Variants in ABCA4 observed in about 807,000 individuals in gnomAD.
The protein encoded by ABCA4 is retinal-specific phospholipid-transporting ATPase ABCA4.
In ABCA4, 196 loss-of-function variants were observed where a neutral mutation model predicts 263.7. The ratio of observed to expected loss-of-function variants is 0.74; its 90% CI spans 0.66 to 0.84. The LOEUF (loss-of-function observed/expected upper bound fraction) is 0.84. Ranked by LOEUF, ABCA4 falls within the 40% of genes least tolerant of loss-of-function variation. ABCA4 has a pLI of 0.00. For missense variants in ABCA4, 2,792 were observed against 2,855.1 expected, an observed-to-expected ratio of 0.98 and a Z score of 0.50; for synonymous variants, 1,133 against 1,094.2, an observed-to-expected ratio of 1.04 and a Z score of -0.70.
intron 36 of ABCA4, among the ~76,000 whole-genome samples, chr1:94,016,598 C>T (rs1204767601): frequency 2.6e-5 from 4 of 151,978 alleles, no homozygotes; most frequent in Admixed American, 6.6e-5. Context: ...GAGAAGCCAG[C>T]GTCTCACTGT....
chr1:94,113,006 T>C lies in ABCA4; in HGVS notation c.127A>G (p.Arg43Gly). The change falls in exon 2 of 50, where the codon AGG becomes GGG. Residue 43 changes from arginine (R) to glycine (G), a missense_variant. Physicochemically the swap from Arg to Gly is moderately radical, Grantham distance 125. Coordinates refer to ENST00000370225, the MANE Select transcript of ABCA4 (RefSeq NM_000350.3). ...TGGCTGTAGAGTGGGTTGGCATTCC[T>C]TAACCAGATCAAGACCAGAAATAAA... ...LSLFLVLIWL[R>G]NANPLYSHHE... is the part of the protein sequence containing the mutation. 6.2e-7 allele frequency: 1 copy of C among 1,614,102 alleles called. No individual in the cohort carries two copies. Among genetic ancestry groups the C allele is most frequent in the Non-Finnish European group, 8.5e-7 (1 of 1,179,998 alleles).
At chr1:94,010,086 T>A (rs1281362065) in intron 40 of ABCA4, among the ~76,000 whole-genome samples, 1 of 152,166 alleles carries the variant, frequency 6.6e-6, no homozygotes, top group Non-Finnish European at 1.5e-5. Flanking sequence ...GTGACCACAC[T>A]CAGCCTGAGA....
chr1:94,053,704 A>T (rs1660899599), intron 16 of ABCA4, among the ~76,000 whole-genome samples: 1 of 152,244 alleles, frequency 6.6e-6, no homozygotes, highest in East Asian at 1.9e-4. Flanking sequence ...GGCCCTGCCA[A>T]CACCTTGATT....
chr1:94,021,562 AAG>A, intron 34 of ABCA4, 76 bp downstream of exon 34: 1 of 1,505,664 alleles, frequency 6.6e-7, no homozygotes. Context: ...GAATTTAATG[AAG>A]GTAGGAAAGT....
At chr1:94,105,111 T>G (rs528105187) in intron 4 of ABCA4, among the ~76,000 whole-genome samples, 1 of 152,332 alleles carries the variant, frequency 6.6e-6, no homozygotes, top group South Asian at 2.1e-4. Flanking sequence ...CTAGCAATGC[T>G]GGGTGCACAG....
At chr1:94,031,713 G>A (rs946794622) in intron 27 of ABCA4, 65 bp downstream of exon 27, 8 of 1,603,572 alleles carry the variant, frequency 5.0e-6, no homozygotes, top group African/African-American at 1.3e-5. Context: ...GGAACACTCA[G>A]GAGAGGAGGG....
chr1:93,996,776 A>G (rs1659016819), intron 48 of ABCA4, among the ~76,000 whole-genome samples: 1 of 152,246 alleles, frequency 6.6e-6, no homozygotes. Flanking sequence ...TGTAGCACAT[A>G]TACGTACAAA....
rs1418783180 is a variant in ABCA4 at position 94,046,911 on chromosome 1, A to G, written c.2918+8T>C. ...CATGGCAGCCAGCTTCTCTGCTGGAAGACTCACAAGGTGGTGGTTTTCCCA... is the reference window on the plus strand; with the variant it reads ...CATGGCAGCCAGCTTCTCTGCTGGAGGACTCACAAGGTGGTGGTTTTCCCA... On this transcript the variant is annotated splice_region_variant and intron_variant, in intron 19 of 49. Coordinates refer to ENST00000370225, the MANE Select transcript of ABCA4 (RefSeq NM_000350.3). 1.9e-6 allele frequency: 3 copies of G among 1,613,962 alleles called. No homozygotes were observed.
chr1:94,009,919 A>G (rs954055009), intron 40 of ABCA4, among the ~76,000 whole-genome samples: 4 of 152,240 alleles, frequency 2.6e-5, no homozygotes, highest in African/African-American at 9.6e-5. Context: ...TCCCATAACT[A>G]GAACTGCTTG....
At chr1:94,012,185 ACACCTGCGCC>A (rs1428443028) in intron 38 of ABCA4, among the ~76,000 whole-genome samples, 1 of 152,066 alleles carries the variant, frequency 6.6e-6, no homozygotes, top group Non-Finnish European at 1.5e-5. Context: ...TCCAGCCTCC[ACACCTGCGCC>A]CACATTACCT....
intron 6 of ABCA4, among the ~76,000 whole-genome samples, chr1:94,095,772 T>G (rs147016513): frequency 1.3e-5 from 2 of 148,658 alleles, no homozygotes; most frequent in Non-Finnish European, 3.0e-5. Flanking sequence ...TTTTGTAAAT[T>G]TTTGTTTTTA....
At chr1:94,077,581 G>T in intron 11 of ABCA4, 109 bp downstream of exon 11, 2 of 1,041,684 alleles carry the variant, frequency 1.9e-6, no homozygotes, top group Non-Finnish European at 2.8e-6. Context: ...TTTCTTCAGT[G>T]GGGAAAATGA....
intron 6 of ABCA4, among the ~76,000 whole-genome samples, chr1:94,083,656 G>A (rs1411225854): frequency 6.6e-6 from 1 of 152,106 alleles, no homozygotes; most frequent in Non-Finnish European, 1.5e-5. Flanking sequence ...TGCTGCACTT[G>A]TCAATCACAG....
At chr1:94,090,984 A>C (rs1661952704) in intron 6 of ABCA4, among the ~76,000 whole-genome samples, 1 of 152,154 alleles carries the variant, frequency 6.6e-6, no homozygotes, top group African/African-American at 2.4e-5. Flanking sequence ...GATGACTGTG[A>C]GAGTGAGGAC....
In ABCA4 at chr1:94,053,883, C is replaced by T. The variant is rs2101066097; in HGVS notation, c.2587+1228G>A. Among the ~76,000 whole-genome samples, 2 of 152,356 alleles carry T rather than the reference C, an allele frequency of 1.3e-5. 1 individual carries two copies. Among genetic ancestry groups the T allele is most frequent in the Middle Eastern group, 6.8e-3 (2 of 294 alleles). ...GAAGCCTTCCTCCTATTCAGGGTGGCTGCCTACCTATTTCTGCCAACAAAG... is the reference window on the plus strand; with the variant it reads ...GAAGCCTTCCTCCTATTCAGGGTGGTTGCCTACCTATTTCTGCCAACAAAG... On this transcript the variant is annotated intron_variant, in intron 16 of 49. Coordinates refer to ENST00000370225, the MANE Select transcript of ABCA4 (RefSeq NM_000350.3).
In ABCA4 at chr1:94,031,934, C is replaced by T. The variant is rs200965081; in HGVS notation, c.3972G>A (p.Ala1324=). 3.3e-5 allele frequency: 53 copies of T among 1,613,962 alleles called. No homozygotes were observed. Among genetic ancestry groups the T allele is most frequent in the South Asian group, 5.5e-5 (5 of 91,082 alleles). Residue 1324 remains alanine (A), a synonymous_variant, in exon 27 of 50, where the codon GCG becomes GCA. Coordinates refer to ENST00000370225, the MANE Select transcript of ABCA4 (RefSeq NM_000350.3). ...GCTGGCCCTCTGGGTGAGCAGCCGG[C>T]GCCCCTGGGGAGCAGACATTGGAGT... The part of the protein sequence containing the change: ...PQDSNVCSPG[A]PAAHPEGQPP...
At chr1:94,055,023 G>C in intron 16 of ABCA4, 88 bp downstream of exon 16, 1 of 1,325,418 alleles carries the variant, frequency 7.5e-7, no homozygotes, top group South Asian at 1.2e-5. Flanking sequence ...AAAGAGCTTG[G>C]AAGAAATGAA....
At position 94,108,730 on chromosome 1, in the gene ABCA4, G is replaced by T. The variant is rs1416341963; in HGVS notation, c.303-14C>A. 6.2e-7 allele frequency: 1 copy of T among 1,613,512 alleles called. No homozygotes were observed. The highest frequency in any genetic ancestry group is 8.5e-7 in the Non-Finnish European group (1 of 1,179,834). ...ACCCTTGCCAAGCTGTAAGGACAAA[G>T]CCTCATTAATAAGGAAATAGCTGTT... On this transcript the variant is annotated splice_polypyrimidine_tract_variant and intron_variant, in intron 3 of 49. Coordinates refer to ENST00000370225, the MANE Select transcript of ABCA4 (RefSeq NM_000350.3).
intron 6 of ABCA4, among the ~76,000 whole-genome samples, chr1:94,090,289 C>T (rs998650005): frequency 1.3e-5 from 2 of 152,010 alleles, no homozygotes; most frequent in Admixed American, 6.6e-5. Flanking sequence ...AAATTACCTT[C>T]CTTAAATATT....
Sources: gnomAD v4.1 joint callset for allele counts (sites outside exome capture counted in the v4.1 genomes callset) on GRCh38, gnomAD v4.1.1 for gene constraint, MANE v1.5 for transcripts, NCBI Gene and HGNC (gene_info 2026-07-23, HGNC 2026-07-21) for gene names.